Variants in CLASP2 observed in about 807,000 individuals in gnomAD.
The protein encoded by CLASP2 is CLIP-associating protein 2.
A neutral mutation model predicts 194.4 loss-of-function variants in CLASP2; 47 were observed. That is an observed-to-expected ratio of 0.24 (90% CI 0.19 to 0.31). The LOEUF (loss-of-function observed/expected upper bound fraction) is 0.31. Among genes scored for constraint, CLASP2 ranks in the 10% least tolerant of loss-of-function variants. The pLI, the probability that CLASP2 is intolerant of heterozygous loss-of-function variation, is 1.00. For synonymous variants in CLASP2, 619 were observed against 633.5 expected (o/e 0.98, Z 0.34); for missense variants, 1,445 against 1,823.6 (o/e 0.79, Z 3.78).
intron 8 of CLASP2, among the ~76,000 whole-genome samples, chr3:33,642,501 C>A (rs1213341287): frequency 6.6e-6 from 1 of 151,774 alleles, no homozygotes; most frequent in East Asian, 1.9e-4. Flanking sequence ...TTGATTATGT[C>A]CATGTGTAGT....
At chr3:33,583,475 G>T (rs940682807) in intron 22 of CLASP2, among the ~76,000 whole-genome samples, 3 of 152,168 alleles carry the variant, frequency 2.0e-5, no homozygotes, top group African/African-American at 7.2e-5. Context: ...AGTACACTAG[G>T]TGTCTTGGCT....
chr3:33,521,604 GAGA>G (rs1036990028), intron 34 of CLASP2, among the ~76,000 whole-genome samples: 2 of 152,210 alleles, frequency 1.3e-5, no homozygotes, highest in African/African-American at 2.4e-5. Context: ...AACACTGGAG[GAGA>G]AGAACACTGA....
At chr3:33,666,419 CT>C (rs1251619471) in intron 6 of CLASP2, among the ~76,000 whole-genome samples, 2 of 152,204 alleles carry the variant, frequency 1.3e-5, no homozygotes, top group African/African-American at 4.8e-5. Flanking sequence ...AAGACTATAT[CT>C]AGCCTATGAG....
rs780032238 is a variant in CLASP2, at chr3:33,584,798, G to A, written c.2191C>T (p.Arg731Trp). ...ASAQKRSKIP[R>W]SQGCSREASP... ...GCCTCTCTGCTACAGCCCTGGCTCC[G>A]TGGTATCTTGCTTCTTTTTTGTGCT... The change falls in exon 22 of 39, where the codon CGG (arginine) becomes TGG (tryptophan). Residue 731 changes from arginine to tryptophan, a missense_variant. Arg to Trp is a moderately radical substitution (Grantham distance 101). This residue lies in a region of CLASP2 where 732 missense variants were observed against 987.9 expected (regional missense o/e 0.74). Coordinates refer to ENST00000682230, the MANE Select transcript of CLASP2 (RefSeq NM_001365631.1). 18 of 1,612,830 alleles carry A rather than the reference G, an allele frequency of 1.1e-5. No homozygotes were observed. The highest frequency in any genetic ancestry group is 4.0e-5 in the African/African-American group (3 of 74,708).
At chr3:33,592,113 C>CAATGATGCAGCCCTAAT in intron 21 of CLASP2, 1 of 659,312 alleles carries the variant, frequency 1.5e-6, no homozygotes, top group Non-Finnish European at 2.7e-6. Context: ...TGGCAGATAT[C>CAATGATGCAGCCCTAAT]AATGATGCAG....
intron 8 of CLASP2, among the ~76,000 whole-genome samples, chr3:33,633,366 A>G (rs2079463234): frequency 6.6e-6 from 1 of 152,154 alleles, no homozygotes; most frequent in African/African-American, 2.4e-5. Context: ...AGAATTCTTG[A>G]GTTGAGACAA....
chr3:33,502,646 T>C (rs1026494682), intron 37 of CLASP2: 3 of 152,176 alleles, frequency 2.0e-5, no homozygotes, highest in African/African-American at 7.2e-5. Context: ...TCTACAGCAA[T>C]CTTATCCATG....
intron 1 of CLASP2, among the ~76,000 whole-genome samples, chr3:33,716,256 T>C (rs1455240344): frequency 1.3e-5 from 2 of 152,092 alleles, no homozygotes; most frequent in Non-Finnish European, 2.9e-5. Context: ...ATGGAGAAAA[T>C]ACGTAGTGAA....
chr3:33,557,131 C>G (rs1185337154), intron 29 of CLASP2, among the ~76,000 whole-genome samples: 1 of 151,468 alleles, frequency 6.6e-6, no homozygotes, highest in Non-Finnish European at 1.5e-5. Flanking sequence ...CCAACATCAC[C>G]CCTGGCTAAT....
chr3:33,715,057 G>C (rs971821609), intron 1 of CLASP2, among the ~76,000 whole-genome samples: 1 of 152,052 alleles, frequency 6.6e-6, no homozygotes, highest in Non-Finnish European at 1.5e-5. Flanking sequence ...CTCTAGCCAG[G>C]CTGGCTTTAT....
intron 1 of CLASP2, among the ~76,000 whole-genome samples, chr3:33,715,882 C>G (rs1357020570): frequency 1.4e-5 from 2 of 144,076 alleles, no homozygotes; most frequent in Admixed American, 7.0e-5. Flanking sequence ...AAAAGATTAC[C>G]CAGTTGGGTA....
intron 18 of CLASP2, among the ~76,000 whole-genome samples, chr3:33,600,355 C>T (rs1351618740): frequency 1.3e-5 from 2 of 152,106 alleles, no homozygotes; most frequent in Non-Finnish European, 2.9e-5. Context: ...GTGGATTTTT[C>T]AGATTCTCTT....
Position 33,603,129 on chromosome 3 carries a change from C to T in CLASP2, c.1751-4G>A, listed in dbSNP as rs150978672. The T allele has an allele frequency of 3.5e-5, 55 of 1,558,142 alleles. 1 individual carries two copies. The highest frequency in any genetic ancestry group is 1.2e-4 in the South Asian group (10 of 84,988). On this transcript the variant is annotated splice_region_variant and splice_polypyrimidine_tract_variant and intron_variant, in intron 17 of 38. Transcript: ENST00000682230. ...GCTTTGCTGCTGCCTGCTGATACTA[C>T]GAAATACAAAGCAAAGATAACTTAT...
At chr3:33,588,285 T>C (rs763102673) in intron 21 of CLASP2, among the ~76,000 whole-genome samples, 81 of 152,102 alleles carry the variant, frequency 5.3e-4, no homozygotes, top group Admixed American at 1.6e-3. Flanking sequence ...CCAACGCTAA[T>C]TATTTCTTTT....
At chr3:33,549,644 C>T (rs2059678624) in intron 30 of CLASP2, among the ~76,000 whole-genome samples, 1 of 151,966 alleles carries the variant, frequency 6.6e-6, no homozygotes, top group Non-Finnish European at 1.5e-5. Context: ...GCAGAATGTT[C>T]CTAGTGTAGT....
At chr3:33,663,156 A>C (rs181638365) in intron 7 of CLASP2, among the ~76,000 whole-genome samples, 7 of 150,476 alleles carry the variant, frequency 4.7e-5, no homozygotes, top group Admixed American at 3.3e-4. Flanking sequence ...GAAGGTCATC[A>C]TACCTCAACC....
intron 7 of CLASP2, among the ~76,000 whole-genome samples, chr3:33,655,398 C>T (rs1051150399): frequency 6.6e-6 from 1 of 152,118 alleles, no homozygotes; most frequent in Non-Finnish European, 1.5e-5. Context: ...TTGTACAACA[C>T]CTTCAATGGC....
rs2154101432 is a variant in CLASP2 at position 33,517,011 on chromosome 3, A to G, written c.3951T>C (p.Leu1317=). Residue 1317 remains leucine (L), a synonymous_variant, in exon 35 of 39, where the codon CTT becomes CTC. Transcript: ENST00000682230. Reference sequence around the variant, plus strand: ...TATCTCCAAGCGTTTCAAGCAATAAAAGCAATATTGTTTTGAAGTGTTCAT... The same window carrying G: ...TATCTCCAAGCGTTTCAAGCAATAAGAGCAATATTGTTTTGAAGTGTTCAT... ...VWDEHFKTIL[L]LLLETLGDKE... 1 of 1,613,330 alleles carries G rather than the reference A, an allele frequency of 6.2e-7. No individual in the cohort carries two copies. The highest frequency in any genetic ancestry group is 2.2e-5 in the East Asian group (1 of 44,782).
chr3:33,606,523 C>A (rs2073885031), intron 16 of CLASP2, 68 bp downstream of exon 16: 3 of 1,265,564 alleles, frequency 2.4e-6, no homozygotes, highest in East Asian at 4.7e-5. Flanking sequence ...ATTCAAGTAT[C>A]CAACTTATGA....
Sources: allele counts gnomAD v4.1 joint callset (sites outside exome capture counted in the v4.1 genomes callset), GRCh38; gene constraint gnomAD v4.1.1; regional missense constraint gnomAD v4.1.1; transcripts MANE v1.5; gene names NCBI Gene and HGNC (gene_info 2026-07-23, HGNC 2026-07-21).